RHBDD1: variants seen among roughly 807,000 people sequenced by gnomAD.
RHBDD1 encodes the protein rhomboid domain containing 1, also known as rhomboid-related protein 4.
RHBDD1 carries 38 observed loss-of-function variants against 36.3 expected under a neutral mutation model. The observed-to-expected ratio is 1.05, with a 90% CI of 0.81 to 1.37. RHBDD1 has a LOEUF of 1.37. RHBDD1 is among the 40% of genes most tolerant of loss of function. RHBDD1 has a pLI of 0.00. For synonymous variants in RHBDD1, 151 were observed against 136.5 expected, an observed-to-expected ratio of 1.11 and a Z score of -0.74; for missense variants, 393 against 377.6, an observed-to-expected ratio of 1.04 and a Z score of -0.34.
chr2:226,826,155 T>TAG, the RHBDD1 span, among the ~76,000 whole-genome samples: 1 of 152,124 alleles, frequency 6.6e-6, no homozygotes, highest in Non-Finnish European at 1.5e-5. Flanking sequence ...GATGCATGAG[T>TAG]AGAGAATGAG....
intron 5 of RHBDD1, among the ~76,000 whole-genome samples, chr2:226,872,127 G>C (rs1267132978): frequency 6.6e-6 from 1 of 152,188 alleles, no homozygotes; most frequent in East Asian, 1.9e-4. Flanking sequence ...AATTGAGGAA[G>C]ATGAATGTTT....
At chr2:226,869,197 A>G (rs1944580420) in intron 5 of RHBDD1, 1 of 984,908 alleles carries the variant, frequency 1.0e-6, no homozygotes, top group Admixed American at 6.2e-5. Context: ...TCATATGCAT[A>G]TTCTTTGTGG....
intron 8 of RHBDD1, among the ~76,000 whole-genome samples, chr2:226,970,105 GAA>G (rs558570238): frequency 1.6e-3 from 246 of 150,564 alleles, no homozygotes; most frequent in African/African-American, 5.8e-3. Flanking sequence ...GAAGAAAAGG[GAA>G]AAGAGAAAAA....
chr2:226,841,444 C>T (rs1052672194), intron 3 of RHBDD1, among the ~76,000 whole-genome samples: 21 of 152,136 alleles, frequency 1.4e-4, no homozygotes, highest in African/African-American at 4.6e-4. Flanking sequence ...AGCTATTGTT[C>T]CTCCCTGCCT....
chr2:226,973,342 C>T (rs1303652884), intron 8 of RHBDD1, among the ~76,000 whole-genome samples: 1 of 152,206 alleles, frequency 6.6e-6, no homozygotes, highest in Non-Finnish European at 1.5e-5. Context: ...TTTTCCTGTG[C>T]TAGAGATGCT....
intron 3 of RHBDD1, among the ~76,000 whole-genome samples, chr2:226,861,951 A>G (rs764948349): frequency 1.3e-5 from 2 of 152,198 alleles, no homozygotes; most frequent in Non-Finnish European, 1.5e-5. Context: ...GGTTGTGCTA[A>G]TACATGGGGT....
At chr2:226,836,273 A>G (rs1044921468) in intron 1 of RHBDD1, 186 bp downstream of exon 1, 7 of 152,582 alleles carry the variant, frequency 4.6e-5, no homozygotes, top group African/African-American at 1.7e-4. Flanking sequence ...GTCCGGGGCA[A>G]GTCCGAGAGC....
intron 8 of RHBDD1, among the ~76,000 whole-genome samples, chr2:226,962,390 G>A (rs1161740228): frequency 2.0e-5 from 3 of 152,196 alleles, no homozygotes; most frequent in African/African-American, 7.2e-5. Context: ...GCTTCAACAA[G>A]CATATTCATG....
chr2:226,890,069 G>A (rs1181542464), intron 5 of RHBDD1, among the ~76,000 whole-genome samples: 1 of 152,172 alleles, frequency 6.6e-6, no homozygotes, highest in African/African-American at 2.4e-5. Context: ...CAGGTACAAG[G>A]TGAGGGTTGC....
chr2:226,963,896 C>T (rs1952421793), intron 8 of RHBDD1, among the ~76,000 whole-genome samples: 1 of 152,168 alleles, frequency 6.6e-6, no homozygotes, highest in African/African-American at 2.4e-5. Context: ...CTGTACTCAC[C>T]ACCCCCTACT....
At chr2:226,860,830 T>C (rs889026845) in intron 3 of RHBDD1, among the ~76,000 whole-genome samples, 5 of 152,234 alleles carry the variant, frequency 3.3e-5, no homozygotes, top group African/African-American at 1.2e-4. Flanking sequence ...TCCTTTCGCA[T>C]TAAGTATACA....
chr2:226,924,347 C>T lies in RHBDD1; in HGVS notation c.856+9996C>T, dbSNP rs549923508. 2.0e-5 allele frequency among the ~76,000 whole-genome samples: 3 copies of T among 152,272 alleles called. No individual in the cohort carries two copies. In the South Asian group the frequency reaches 6.2e-4, roughly 32 times the overall value. The stretch of plus-strand genomic sequence containing the variant: ...GGAATAGGGGCCTCAGGACTCTGCT[C>T]GGTACCCTATCCTACTGTGGCTGAG... On this transcript the variant is annotated intron_variant, in intron 8 of 8. Transcript: ENST00000392062.
At chr2:226,815,288 CTAA>C in the RHBDD1 span, among the ~76,000 whole-genome samples, 1 of 152,128 alleles carries the variant, frequency 6.6e-6, no homozygotes, top group Non-Finnish European at 1.5e-5. Context: ...TTTCTTACCA[CTAA>C]TGACATGACA....
At chr2:226,949,175 A>G (rs1367811132) in intron 8 of RHBDD1, among the ~76,000 whole-genome samples, 3 of 152,220 alleles carry the variant, frequency 2.0e-5, no homozygotes, top group African/African-American at 7.2e-5. Flanking sequence ...AGGAAGAATC[A>G]ATATCGTGAA....
rs1385357694 is a variant in RHBDD1, at chr2:226,867,323, G to A, written c.566+5G>A. On this transcript the variant is annotated splice_donor_5th_base_variant and intron_variant, in intron 5 of 8. Transcript: ENST00000392062. The stretch of plus-strand genomic sequence containing the variant: ...TATTCATTTATTCTCACCAGGGTAA[G>A]TGTTTTCTTTTGGGGAATACAGTTG... 1.2e-6 allele frequency: 2 copies of A among 1,608,432 alleles called. No homozygotes were observed. The highest frequency in any genetic ancestry group is 1.7e-5 in the Admixed American group (1 of 58,538).
chr2:226,906,568 G>C, intron 5 of RHBDD1: 1 of 899,822 alleles, frequency 1.1e-6, no homozygotes, highest in Non-Finnish European at 1.6e-6. Flanking sequence ...GTTAAGGAGG[G>C]GTGTTGCGTT....
At chr2:226,971,542 G>A (rs1255245284) in intron 8 of RHBDD1, among the ~76,000 whole-genome samples, 1 of 152,184 alleles carries the variant, frequency 6.6e-6, no homozygotes, top group African/African-American at 2.4e-5. Flanking sequence ...CTTTTGATAA[G>A]TTCATGAAGC....
intron 5 of RHBDD1, among the ~76,000 whole-genome samples, chr2:226,879,072 C>CAAAA (rs916415771): frequency 1.2e-5 from 1 of 84,076 alleles, no homozygotes; most frequent in Non-Finnish European, 2.7e-5. Context: ...ACTGGCATTC[C>CAAAA]AAAAAAAAAA....
chr2:226,894,693 T>C (rs1236155447), intron 5 of RHBDD1, among the ~76,000 whole-genome samples: 2 of 152,240 alleles, frequency 1.3e-5, no homozygotes, highest in East Asian at 1.9e-4. Flanking sequence ...AGATGTGTTA[T>C]TCACAAATTT....
Sources: gnomAD v4.1 joint callset for allele counts (sites outside exome capture counted in the v4.1 genomes callset) on GRCh38, gnomAD v4.1.1 for gene constraint, MANE v1.5 for transcripts, NCBI Gene and HGNC (gene_info 2026-07-23, HGNC 2026-07-21) for gene names.